The following AGAP1 variants were observed in gnomAD, a reference collection of about 807,000 sequenced individuals.
The protein encoded by AGAP1 is ArfGAP with GTPase domain, ankyrin repeat and PH domain 1.
Under a neutral mutation model 105.3 loss-of-function variants are expected in AGAP1, and 29 were observed. The ratio of observed to expected loss-of-function variants is 0.28; its 90% CI spans 0.21 to 0.38. The LOEUF is 0.38. Among genes scored for constraint, AGAP1 ranks in the 10% least tolerant of loss-of-function variants. The probability of loss-of-function intolerance (pLI) is 1.00; values close to 1 mark genes in which losing one functional copy is unlikely to be tolerated. For synonymous variants in AGAP1, 509 were observed against 485.9 expected (o/e 1.05, Z -0.63); for missense variants, 998 against 1,165.1 (o/e 0.86, Z 2.09).
rs2149492618 is a variant in AGAP1 at position 235,705,003 on chromosome 2, G to A, written c.164-4176G>A. 9.6e-6 allele frequency among the ~76,000 whole-genome samples: 1 copy of A among 104,576 alleles called. No individual in the cohort carries two copies. The highest frequency in any genetic ancestry group is 3.5e-4 in the East Asian group (1 of 2,854). The allele number at this position is 104,576 out of a possible 152,430, so 68.6% of individuals were successfully genotyped here. ...TTTTTTTTTTTTTTTTTTTGCGACA[G>A]AGTCTCACTCTGTTGCCCAGGCTGG... On this transcript the variant is annotated intron_variant, in intron 1 of 17. Coordinates refer to ENST00000304032, the MANE Select transcript of AGAP1 (RefSeq NM_001037131.3). The surrounding 1 kb of genome is among the most constrained non-coding windows in gnomAD (Gnocchi z 4.9).
chr2:235,599,936 T>C lies in AGAP1; in HGVS notation c.163+105087T>C, dbSNP rs1945674002. On this transcript the variant is annotated intron_variant, in intron 1 of 17. Transcript: ENST00000304032. The surrounding 1 kb of genome is among the most constrained non-coding windows in gnomAD (Gnocchi z 5.3). The stretch of plus-strand genomic sequence containing the variant: ...AGAAACTGACTCAGGGAAGTGCCTG[T>C]GTTCAGGGCGGAGGTTCCACTGTGA... 6.6e-6 allele frequency among the ~76,000 whole-genome samples: 1 copy of C among 152,214 alleles called. No individual in the cohort carries two copies. The highest frequency in any genetic ancestry group is 1.5e-5 in the Non-Finnish European group (1 of 68,048).
chr2:235,502,216 A>G (rs902403361), intron 1 of AGAP1, among the ~76,000 whole-genome samples: 2 of 152,096 alleles, frequency 1.3e-5, no homozygotes, highest in African/African-American at 4.8e-5. Flanking sequence ...GACCATGGCC[A>G]GAAGTGGGTA....
rs1458242688 is a variant in AGAP1 at position 235,957,669 on chromosome 2, G to T, written c.1484-10793G>T. Among the ~76,000 whole-genome samples the T allele has an allele frequency of 6.6e-6, 1 of 152,230 alleles. No individual in the cohort carries two copies. Among genetic ancestry groups the T allele is most frequent in the Non-Finnish European group, 1.5e-5 (1 of 68,040 alleles). ...GACCCAGGATGTTGTGATTTCCTTG[G>T]ATGGCAAAGGTGGCCTGTTCTTTAT... On this transcript the variant is annotated intron_variant, in intron 12 of 17. Transcript: ENST00000304032. This position sits in a 1 kb window ranked among gnomAD's most constrained non-coding sequence, Gnocchi z 4.6.
At chr2:235,802,649 G>T (rs1219359888) in intron 8 of AGAP1, among the ~76,000 whole-genome samples, 1 of 144,686 alleles carries the variant, frequency 6.9e-6, no homozygotes, top group South Asian at 2.2e-4. Flanking sequence ...GATGGTTGTG[G>T]TGATGATGAT....
chr2:235,709,308 C>T, intron 2 of AGAP1, 71 bp downstream of exon 2: 5 of 1,529,864 alleles, frequency 3.3e-6, no homozygotes, highest in Non-Finnish European at 4.5e-6. Context: ...GCCTGCATTC[C>T]CAGGCAACTG....
chr2:235,975,679 T>C (rs1452423955), intron 13 of AGAP1, among the ~76,000 whole-genome samples: 1 of 152,170 alleles, frequency 6.6e-6, no homozygotes, highest in Non-Finnish European at 1.5e-5. Flanking sequence ...TCACATTGAA[T>C]TCTGTGTTAT....
At chr2:235,672,327 C>T (rs1403707995) in intron 1 of AGAP1, among the ~76,000 whole-genome samples, 1 of 152,150 alleles carries the variant, frequency 6.6e-6, no homozygotes, top group Non-Finnish European at 1.5e-5. Flanking sequence ...CCTAATGATC[C>T]TCAGAATGTG....
chr2:236,128,572 A>C lies in AGAP1; in HGVS notation c.*4450A>C, dbSNP rs2060039377. ...TTTTGTGCTTGAACTTGGTGGACTC[A>C]TCTTACCCCACAAGAGTGGCCTGCT... On this transcript the variant is annotated 3_prime_UTR_variant, in exon 18 of 18. Coordinates refer to ENST00000304032, the MANE Select transcript of AGAP1 (RefSeq NM_001037131.3). The surrounding 1 kb of genome is among the most constrained non-coding windows in gnomAD (Gnocchi z 5.9). 6.6e-6 allele frequency: 1 copy of C among 152,154 alleles called. No homozygotes were observed. 9.4% of individuals were successfully genotyped at this position (152,154 alleles called of 1,614,324 possible).
At chr2:235,651,780 AG>A in intron 1 of AGAP1, among the ~76,000 whole-genome samples, 1 of 152,354 alleles carries the variant, frequency 6.6e-6, no homozygotes, top group East Asian at 1.9e-4. Flanking sequence ...TTGTGCTTCT[AG>A]GAATCTAAGC....
At chr2:236,072,443 CA>C (rs35144826) in intron 16 of AGAP1, 231 of 138,532 alleles carry the variant, frequency 1.7e-3, no homozygotes, top group Non-Finnish European at 1.7e-3. Context: ...GACTCTGTCT[CA>C]AAAAAAAAAA....
intron 11 of AGAP1, among the ~76,000 whole-genome samples, 199 bp downstream of exon 11, chr2:235,909,105 G>C (rs2051450429): frequency 6.6e-6 from 1 of 152,198 alleles, no homozygotes; most frequent in African/African-American, 2.4e-5. Context: ...AGCAAATGGT[G>C]CTTTGAGTCA....
At chr2:235,671,772 G>A (rs1260099305) in intron 1 of AGAP1, among the ~76,000 whole-genome samples, 2 of 152,202 alleles carry the variant, frequency 1.3e-5, no homozygotes, top group Non-Finnish European at 2.9e-5. Flanking sequence ...TGAAACCTCA[G>A]GTCTGTGTTC....
In AGAP1 at chr2:235,759,250, G is replaced by T. The variant is rs559494659; in HGVS notation, c.673+8762G>T. Among the ~76,000 whole-genome samples the T allele has an allele frequency of 6.1e-4, 89 of 145,482 alleles. 1 individual carries two copies. Among genetic ancestry groups the T allele is most frequent in the Admixed American group, 2.7e-3 (38 of 14,090 alleles). On this transcript the variant is annotated intron_variant, in intron 6 of 17. Coordinates refer to ENST00000304032, the MANE Select transcript of AGAP1 (RefSeq NM_001037131.3). The stretch of plus-strand genomic sequence containing the variant: ...GTGGTGTGATCTCAGCTCACTGCAA[G>T]CTCCACCTCCTGGGTTCACACCATT...
At chr2:235,997,481 G>C (rs181605344) in intron 13 of AGAP1, among the ~76,000 whole-genome samples, 2 of 152,274 alleles carry the variant, frequency 1.3e-5, no homozygotes, top group Non-Finnish European at 2.9e-5. Flanking sequence ...CTACCTTAAG[G>C]TTAGTGTTTG....
chr2:235,758,039 C>T (rs571550963), intron 6 of AGAP1, among the ~76,000 whole-genome samples: 2 of 152,232 alleles, frequency 1.3e-5, no homozygotes, highest in South Asian at 4.2e-4. Context: ...CTGAAATCAG[C>T]TTAATTTTCA....
rs922519101 is a variant in AGAP1 at position 235,994,014 on chromosome 2, C to G, written c.1645+25391C>G. Reference sequence around the variant, plus strand: ...TTTAGCTTGGGAAAGTTACGATGACCCATAAGCCTGCTCCACAGGATGGCT... The same window carrying G: ...TTTAGCTTGGGAAAGTTACGATGACGCATAAGCCTGCTCCACAGGATGGCT... On this transcript the variant is annotated intron_variant, in intron 13 of 17. Transcript: ENST00000304032. The surrounding 1 kb of genome is among the most constrained non-coding windows in gnomAD (Gnocchi z 4.4). Among the ~76,000 whole-genome samples the G allele has an allele frequency of 2.0e-5, 3 of 152,026 alleles. No homozygotes were observed. The highest frequency in any genetic ancestry group is 2.9e-5 in the Non-Finnish European group (2 of 68,006).
intron 5 of AGAP1, among the ~76,000 whole-genome samples, chr2:235,746,377 C>T (rs1437857591): frequency 2.7e-4 from 15 of 55,558 alleles, no homozygotes; most frequent in African/African-American, 6.4e-4. Context: ...CCTCCCCCAA[C>T]TTTTTTTTTT....
At chr2:235,647,882 A>G (rs553763443) in intron 1 of AGAP1, among the ~76,000 whole-genome samples, 5 of 151,976 alleles carry the variant, frequency 3.3e-5, no homozygotes, top group Admixed American at 3.3e-4. Context: ...CTTACTGTAG[A>G]CCATCACACC....
At chr2:235,785,144 C>A (rs923318890) in intron 6 of AGAP1, among the ~76,000 whole-genome samples, 2 of 152,104 alleles carry the variant, frequency 1.3e-5, no homozygotes, top group African/African-American at 4.8e-5. Flanking sequence ...AAGAAAATGT[C>A]TTTTTTATGT....
Sources: allele counts gnomAD v4.1 joint callset (sites outside exome capture counted in the v4.1 genomes callset), GRCh38; gene constraint gnomAD v4.1.1; non-coding constraint Gnocchi (gnomAD v3.1); transcripts MANE v1.5; gene names NCBI Gene and HGNC (gene_info 2026-07-23, HGNC 2026-07-21).